SHOC2: variants seen among roughly 807,000 people sequenced by gnomAD.
The protein encoded by SHOC2 is leucine-rich repeat protein SHOC-2.
SHOC2 carries 4 observed loss-of-function variants against 50.2 expected under a neutral mutation model. That is an observed-to-expected ratio of 0.08 (90% CI 0.04 to 0.18). SHOC2 has a LOEUF of 0.18. Ranked by LOEUF, SHOC2 falls within the 10% of genes least tolerant of loss-of-function variation. The pLI, the probability that SHOC2 is intolerant of heterozygous loss-of-function variation, is 1.00. For synonymous variants in SHOC2, 218 were observed against 244.5 expected, an observed-to-expected ratio of 0.89 and a Z score of 1.01; for missense variants, 388 against 669.6, an observed-to-expected ratio of 0.58 and a Z score of 4.64.
intron 1 of SHOC2, among the ~76,000 whole-genome samples, chr10:110,952,600 G>A (rs1016818635): frequency 6.6e-6 from 1 of 151,854 alleles, no homozygotes; most frequent in African/African-American, 2.4e-5. Context: ...AGAATGTGAA[G>A]GTTTGTTACA....
chr10:110,922,957 T>C (rs961389623), intron 1 of SHOC2, among the ~76,000 whole-genome samples: 21 of 152,072 alleles, frequency 1.4e-4, no homozygotes, highest in Non-Finnish European at 2.6e-4. Flanking sequence ...ATTAAGTGAG[T>C]TGGTATTTTT....
intron 2 of SHOC2, among the ~76,000 whole-genome samples, chr10:110,971,619 T>G (rs2134130328): frequency 6.6e-6 from 1 of 152,286 alleles, no homozygotes; most frequent in South Asian, 2.1e-4. Flanking sequence ...GCATTGAATC[T>G]GTAGATCACT....
chr10:111,001,508 T>C (rs1273114833), intron 4 of SHOC2, among the ~76,000 whole-genome samples: 1 of 152,216 alleles, frequency 6.6e-6, no homozygotes, highest in Non-Finnish European at 1.5e-5. Flanking sequence ...AGTCTTTTAC[T>C]ATTGACTTTC....
chr10:110,947,057 G>A (rs1463359418), intron 1 of SHOC2, among the ~76,000 whole-genome samples: 1 of 152,194 alleles, frequency 6.6e-6, no homozygotes, highest in Non-Finnish European at 1.5e-5. Flanking sequence ...ATGATGCATT[G>A]AAGAGGATAG....
At chr10:110,934,820 C>T (rs1261292044) in intron 1 of SHOC2, among the ~76,000 whole-genome samples, 3 of 152,030 alleles carry the variant, frequency 2.0e-5, no homozygotes, top group Non-Finnish European at 4.4e-5. Context: ...GTTTAGTCAT[C>T]CTAGATTCTT....
intron 6 of SHOC2, 79 bp downstream of exon 6, chr10:111,007,732 A>C (rs1322732653): frequency 1.4e-6 from 2 of 1,394,338 alleles, no homozygotes; most frequent in Admixed American, 3.4e-5. Flanking sequence ...TTAAATAAGC[A>C]ATTTCTATTT....
At chr10:111,000,343 G>C in intron 3 of SHOC2, 72 bp from the exon 4 acceptor site, 1 of 1,458,472 alleles carries the variant, frequency 6.9e-7, no homozygotes, top group Non-Finnish European at 9.6e-7. Context: ...ATAGTTAGTA[G>C]ATAGCCTGTG....
chr10:110,942,422 A>G (rs1327373371), intron 1 of SHOC2, among the ~76,000 whole-genome samples: 1 of 152,138 alleles, frequency 6.6e-6, no homozygotes, highest in Non-Finnish European at 1.5e-5. Context: ...GTCGTAGCTC[A>G]CTACAGCCTC....
chr10:110,993,991 T>C (rs1299002205), intron 3 of SHOC2, among the ~76,000 whole-genome samples: 1 of 152,230 alleles, frequency 6.6e-6, no homozygotes, highest in Non-Finnish European at 1.5e-5. Flanking sequence ...TCCCCTCTTA[T>C]GGCAGACTTC....
chr10:110,975,389 GCC>G (rs1334324168), intron 2 of SHOC2, among the ~76,000 whole-genome samples: 1 of 152,102 alleles, frequency 6.6e-6, no homozygotes, highest in Admixed American at 6.5e-5. Flanking sequence ...TGATCTGCCT[GCC>G]TCGGCCTCCC....
intron 2 of SHOC2, among the ~76,000 whole-genome samples, chr10:110,965,509 G>A (rs142826705): frequency 1.3e-5 from 2 of 151,938 alleles, no homozygotes; most frequent in African/African-American, 4.8e-5. Flanking sequence ...ACCACAAAAG[G>A]TTGACAAATC....
chr10:110,936,859 C>G (rs1309067812), intron 1 of SHOC2: 1 of 1,358,354 alleles, frequency 7.4e-7, no homozygotes, highest in Non-Finnish European at 1.1e-6. Flanking sequence ...GACGCACAAC[C>G]TTGAGGGCAG....
At chr10:110,939,345 G>A (rs1015533273) in intron 1 of SHOC2, among the ~76,000 whole-genome samples, 1 of 152,046 alleles carries the variant, frequency 6.6e-6, no homozygotes, top group Non-Finnish European at 1.5e-5. Context: ...AGCCTCCTGA[G>A]TAGCTGGGAC....
intron 1 of SHOC2, among the ~76,000 whole-genome samples, chr10:110,929,726 CT>C (rs1232826584): frequency 1.3e-5 from 2 of 152,292 alleles, no homozygotes; most frequent in East Asian, 3.9e-4. Context: ...AAACCCCACC[CT>C]TGTGACCTCA....
chr10:111,010,248 C>A (rs551506679), intron 8 of SHOC2, among the ~76,000 whole-genome samples: 40 of 152,014 alleles, frequency 2.6e-4, no homozygotes, highest in Non-Finnish European at 4.6e-4. Context: ...TTAACATTTT[C>A]CAGGTGTTTT....
chr10:110,983,276 A>G (rs1355489558), intron 2 of SHOC2, among the ~76,000 whole-genome samples: 1 of 151,972 alleles, frequency 6.6e-6, no homozygotes, highest in South Asian at 2.1e-4. Context: ...CCACCAAAAA[A>G]CTATCTTATA....
intron 1 of SHOC2, among the ~76,000 whole-genome samples, chr10:110,955,290 A>T (rs74404706): frequency 5.3e-5 from 8 of 152,184 alleles, no homozygotes; most frequent in African/African-American, 1.4e-4. Flanking sequence ...ATTCATTTTG[A>T]CTAAAGTCCA....
At chr10:110,934,152 A>G (rs554040125) in intron 1 of SHOC2, among the ~76,000 whole-genome samples, 3 of 152,320 alleles carry the variant, frequency 2.0e-5, no homozygotes, top group African/African-American at 4.8e-5. Flanking sequence ...GGCAGTTTGG[A>G]ACTACGTATA....
intron 6 of SHOC2, 149 bp downstream of exon 6, chr10:111,007,802 A>G (rs907422170): frequency 1.3e-6 from 1 of 788,268 alleles, no homozygotes; most frequent in East Asian, 2.8e-5. Context: ...CTAATAGGAT[A>G]ATGAAGTGTT....
Sources: allele counts gnomAD v4.1 joint callset (sites outside exome capture counted in the v4.1 genomes callset), GRCh38; gene constraint gnomAD v4.1.1; transcripts MANE v1.5; gene names NCBI Gene and HGNC (gene_info 2026-07-23, HGNC 2026-07-21).